Variants in SAMSN1 observed in about 807,000 individuals in gnomAD.
The protein encoded by SAMSN1 is SAM domain, SH3 domain and nuclear localization signals 1, also known as SAM domain-containing protein SAMSN-1.
In SAMSN1, 31 loss-of-function variants were observed where a neutral mutation model predicts 42.0. That is an observed-to-expected ratio of 0.74 (90% confidence interval 0.55 to 1.00). SAMSN1 has a LOEUF of 1.00. Ranked by LOEUF, SAMSN1 falls within the 50% of genes least tolerant of loss-of-function variation. The pLI, the probability that SAMSN1 is intolerant of heterozygous loss-of-function variation, is 0.00. For synonymous variants in SAMSN1, 178 were observed against 151.9 expected (o/e 1.17, Z -1.26); for missense variants, 464 against 439.4 (o/e 1.06, Z -0.50).
chr21:14,625,575 TG>T (rs1327050676), intron 2 of SAMSN1, among the ~76,000 whole-genome samples: 2 of 152,166 alleles, frequency 1.3e-5, no homozygotes, highest in Admixed American at 1.3e-4. Context: ...TTACCAGGGA[TG>T]TGAAAGACCT....
At chr21:14,506,769 A>G (rs1490926680) in intron 5 of SAMSN1, among the ~76,000 whole-genome samples, 1 of 152,222 alleles carries the variant, frequency 6.6e-6, no homozygotes, top group Non-Finnish European at 1.5e-5. Context: ...AATATCCCTG[A>G]TGAACATAGA....
Position 14,517,018 on chromosome 21 carries a change from A to G in SAMSN1, c.153T>C (p.Asn51=), listed in dbSNP as rs755183063. 40 of 1,612,442 alleles carry G rather than the reference A, an allele frequency of 2.5e-5. No homozygotes were observed. The South Asian group carries it at 4.1e-4, about 16-fold the overall frequency. ...AAGTTTTACTTTGTTCTCCACTTCC[A>G]TTTGTGGGATCTCCTTCATGTGCCT... ...STEAHEGDPT[N]GSGEQSKTSN... The change falls in exon 3 of 8, where the codon AAT becomes AAC. Residue 51 remains asparagine (N), a synonymous_variant. Coordinates refer to ENST00000400566, the MANE Select transcript of SAMSN1 (RefSeq NM_022136.5).
At chr21:14,561,616 A>G (rs2123199178) in intron 2 of SAMSN1, among the ~76,000 whole-genome samples, 1 of 152,306 alleles carries the variant, frequency 6.6e-6, no homozygotes, top group Non-Finnish European at 1.5e-5. Context: ...CTATATGGCC[A>G]AAAAAGATAT....
chr21:14,523,900 TAAG>T (rs2123051409), intron 1 of SAMSN1, among the ~76,000 whole-genome samples: 1 of 152,208 alleles, frequency 6.6e-6, no homozygotes, highest in Non-Finnish European at 1.5e-5. Context: ...AGTCGTGGTT[TAAG>T]AAGGACACTG....
intron 1 of SAMSN1, among the ~76,000 whole-genome samples, chr21:14,527,854 T>C (rs1978974864): frequency 6.6e-6 from 1 of 150,754 alleles, no homozygotes; most frequent in Non-Finnish European, 1.5e-5. Context: ...GTCTGATGAG[T>C]AAAAAAGACC....
At chr21:14,646,409 GTA>G (rs1983713961) in intron 1 of SAMSN1, among the ~76,000 whole-genome samples, 1 of 152,118 alleles carries the variant, frequency 6.6e-6, no homozygotes, top group South Asian at 2.1e-4. Context: ...CCAGAATAAT[GTA>G]TCTGGTGAAA....
rs115910314 is a variant in SAMSN1, at chr21:14,593,751, A to T, written c.465+262T>A. On this transcript the variant is annotated intron_variant, in intron 7 of 15. Transcript: ENST00000647101. ...AACATTATAAATTTTTTCCTATCTC[A>T]GGAAAAATTGCTAAATTTTAGGGAA... 2,048 of 283,868 alleles carry T rather than the reference A, an allele frequency of 7.2e-3. 43 individuals are homozygous for T. Among genetic ancestry groups the T allele is most frequent in the African/African-American group, 0.036 (1,648 of 45,762 alleles). 17.6% of individuals were successfully genotyped at this position (283,868 alleles called of 1,614,324 possible).
chr21:14,531,008 A>G (rs1279759509), intron 1 of SAMSN1, among the ~76,000 whole-genome samples: 4 of 151,976 alleles, frequency 2.6e-5, no homozygotes, highest in Admixed American at 6.5e-5. Flanking sequence ...ATAATATTTT[A>G]ACTAGTCACA....
At chr21:14,488,495 T>G (rs1238101091) in intron 7 of SAMSN1, among the ~76,000 whole-genome samples, 1 of 152,172 alleles carries the variant, frequency 6.6e-6, no homozygotes, top group East Asian at 1.9e-4. Flanking sequence ...TTTAGCTTGT[T>G]ATTTCACTCT....
At chr21:14,610,802 G>A (rs1393359217) in intron 4 of SAMSN1, among the ~76,000 whole-genome samples, 1 of 152,192 alleles carries the variant, frequency 6.6e-6, no homozygotes, top group Non-Finnish European at 1.5e-5. Flanking sequence ...TATCCTGTGG[G>A]CTACCCACTT....
rs867144366 is a variant in SAMSN1 at position 14,607,691 on chromosome 21, T to C, written c.322+1791A>G. 5.3e-4 allele frequency among the ~76,000 whole-genome samples: 81 copies of C among 152,332 alleles called. No individual in the cohort carries two copies. The Middle Eastern group carries it at 0.01, about 19-fold the overall frequency. On this transcript the variant is annotated intron_variant, in intron 5 of 15. Coordinates refer to the SAMSN1 transcript ENST00000647101. Reference sequence around the variant, plus strand: ...TAAGGTCAGGATTCTTTGCTGCTTTTTCAGTGTAGCTATAATAGAATTCCG... The same window carrying C: ...TAAGGTCAGGATTCTTTGCTGCTTTCTCAGTGTAGCTATAATAGAATTCCG...
chr21:14,610,707 A>T (rs1982681440), intron 4 of SAMSN1, among the ~76,000 whole-genome samples: 1 of 152,112 alleles, frequency 6.6e-6, no homozygotes, highest in African/African-American at 2.4e-5. Context: ...TGACACTTAG[A>T]CAAATAGAAA....
chr21:14,515,077 C>A lies in SAMSN1; in HGVS notation c.279+1815G>T, dbSNP rs562960097. On this transcript the variant is annotated intron_variant, in intron 3 of 7. Transcript: ENST00000400566. ...AGAAGCATGCCTAGTCAAAAAAAAA[C>A]AAGAAAAGTGGATGTTTTATATGTA... 9.4e-4 allele frequency among the ~76,000 whole-genome samples: 143 copies of A among 151,718 alleles called. 4 individuals carry two copies. In the South Asian group the frequency reaches 0.028, roughly 30 times the overall value.
In SAMSN1 at chr21:14,541,699, C is replaced by T. The variant is rs75563612; in HGVS notation, c.57+4506G>A. Among the ~76,000 whole-genome samples, 511 of 152,174 alleles carry T rather than the reference C, an allele frequency of 3.4e-3. 8 individuals are homozygous for T. The South Asian group carries it at 0.044, about 13-fold the overall frequency. ...ACAAATATTTATTGAGAGTCTACTA[C>T]GTTGAAAGTATTATGCTAGCTGCAG... is the stretch of plus-strand genomic sequence containing the variant. On this transcript the variant is annotated intron_variant, in intron 1 of 7. Coordinates refer to ENST00000400566, the MANE Select transcript of SAMSN1 (RefSeq NM_022136.5).
chr21:14,521,221 G>A lies in SAMSN1; in HGVS notation c.58C>T (p.Arg20Ter), dbSNP rs757290848. The part of the protein sequence containing the change: ...SEKEKHQKPK[R>*]SSSFGNFDRF... ...TCGAAATTCCCAAAACTGCTGCTTC[G>A]CTATAAAATAGAAAAGAAAAAGCAA... The change falls in exon 2 of 8, where the codon CGA (arginine) becomes TGA (stop). Residue 20 changes from arginine (R) to a stop codon, truncating the protein, a stop_gained and splice_region_variant. Coordinates refer to ENST00000400566, the MANE Select transcript of SAMSN1 (RefSeq NM_022136.5). LOFTEE classifies it high-confidence loss of function. 34 of 1,605,388 alleles carry A rather than the reference G, an allele frequency of 2.1e-5. No homozygotes were observed. Among genetic ancestry groups the A allele is most frequent in the African/African-American group, 2.7e-5 (2 of 74,586 alleles).
intron 2 of SAMSN1, among the ~76,000 whole-genome samples, chr21:14,581,411 G>T (rs1160432024): frequency 3.1e-5 from 4 of 128,942 alleles, no homozygotes; most frequent in African/African-American, 8.7e-5. Context: ...CAGGCTGGAG[G>T]GCAGTGGCGC....
chr21:14,610,268 T>G (rs1982670127), intron 4 of SAMSN1, among the ~76,000 whole-genome samples: 1 of 152,154 alleles, frequency 6.6e-6, no homozygotes, highest in Non-Finnish European at 1.5e-5. Flanking sequence ...GGGCGGGGCC[T>G]CTAAAATGGC....
At chr21:14,534,332 T>G (rs1394655762) in intron 1 of SAMSN1, among the ~76,000 whole-genome samples, 2 of 152,146 alleles carry the variant, frequency 1.3e-5, no homozygotes, top group Non-Finnish European at 2.9e-5. Context: ...CAATCCCTCT[T>G]GAATCCTCAA....
At chr21:14,595,015 C>G (rs1309828325) in intron 6 of SAMSN1, among the ~76,000 whole-genome samples, 1 of 152,034 alleles carries the variant, frequency 6.6e-6, no homozygotes, top group East Asian at 1.9e-4. Flanking sequence ...ATTTCAGGAG[C>G]AAGAGCAAAA....
Sources: allele counts gnomAD v4.1 joint callset (sites outside exome capture counted in the v4.1 genomes callset), GRCh38; gene constraint gnomAD v4.1.1; transcripts MANE v1.5; gene names NCBI Gene and HGNC (gene_info 2026-07-23, HGNC 2026-07-21).